TRPV5: variants seen among roughly 807,000 people sequenced by gnomAD.
TRPV5 encodes transient receptor potential cation channel subfamily V member 5, also known as calcium transport protein 2.
A neutral mutation model predicts 74.1 loss-of-function variants in TRPV5; 66 were observed. The observed-to-expected ratio is 0.89, with a 90% CI of 0.73 to 1.09. The LOEUF is 1.09. Among genes scored for constraint, TRPV5 ranks in the 50% least tolerant of loss-of-function variants. TRPV5 has a pLI of 0.00. For missense variants in TRPV5, 936 were observed against 930.4 expected, an observed-to-expected ratio of 1.01 and a Z score of -0.08; for synonymous variants, 399 against 360.7, an observed-to-expected ratio of 1.11 and a Z score of -1.20.
chr7:142,915,191 T>C, intron 10 of TRPV5, 116 bp downstream of exon 10: 2 of 1,516,044 alleles, frequency 1.3e-6, no homozygotes, highest in Non-Finnish European at 1.8e-6. Context: ...ACAAGTCCAC[T>C]GGAGAGAAGT....
chr7:142,929,951 C>T (rs1169706309), intron 3 of TRPV5, 107 bp downstream of exon 3: 2 of 1,550,722 alleles, frequency 1.3e-6, no homozygotes, highest in Non-Finnish European at 1.8e-6. Context: ...TCCTCCTGAC[C>T]CTCCATCACC....
intron 2 of TRPV5, 22 bp from the exon 3 acceptor site, chr7:142,930,202 A>T: frequency 6.2e-7 from 1 of 1,610,120 alleles, no homozygotes; most frequent in Non-Finnish European, 8.5e-7. Context: ...TAAGACAGAG[A>T]TGTTAGACAC....
intron 4 of TRPV5, 147 bp from the exon 5 acceptor site, chr7:142,929,267 C>T: frequency 6.1e-6 from 9 of 1,471,272 alleles, no homozygotes; most frequent in Non-Finnish European, 8.2e-6. Flanking sequence ...GAGGAAGGAA[C>T]CATCAGGGGA....
chr7:142,933,523 C>T lies in TRPV5; in HGVS notation c.-64G>A. ...GGCGAAAGAAACAGGTCTAGGATGA[C>T]AGCAACTGAGCAAGAGATGGGGTCT... On this transcript the variant is annotated 5_prime_UTR_variant, in exon 1 of 15. Coordinates refer to ENST00000265310, the MANE Select transcript of TRPV5 (RefSeq NM_019841.7). 2.5e-6 allele frequency: 4 copies of T among 1,569,604 alleles called. No individual in the cohort carries two copies. Among genetic ancestry groups the T allele is most frequent in the Non-Finnish European group, 2.6e-6 (3 of 1,159,594 alleles).
intron 8 of TRPV5, among the ~76,000 whole-genome samples, chr7:142,921,675 C>A (rs1345234000): frequency 3.9e-5 from 6 of 152,110 alleles, no homozygotes; most frequent in Non-Finnish European, 8.8e-5. Context: ...ACCATGCAAG[C>A]AGAGTAATTT....
chr7:142,919,368 A>C (rs1795847306), intron 8 of TRPV5, among the ~76,000 whole-genome samples: 2 of 152,212 alleles, frequency 1.3e-5, no homozygotes, highest in African/African-American at 4.8e-5. Context: ...AGGAGAGAGG[A>C]GACAGCAGGT....
At position 142,908,242 on chromosome 7, in the gene TRPV5, T is replaced by A. The variant is rs1795640000; in HGVS notation, c.*272A>T. ...AAATGGTCCTGACATTAATCTAGCA[T>A]CCCTGCCTCATGTCTTTAGTTGCCA... On this transcript the variant is annotated 3_prime_UTR_variant, in exon 15 of 15. Transcript: ENST00000265310. 3.6e-6 allele frequency: 2 copies of A among 547,958 alleles called. No individual in the cohort carries two copies. Among genetic ancestry groups the A allele is most frequent in the Non-Finnish European group, 6.5e-6 (2 of 307,646 alleles). 33.9% of individuals were successfully genotyped at this position (547,958 alleles called of 1,614,324 possible).
At position 142,933,358 on chromosome 7, in the gene TRPV5, G is replaced by A. The variant is rs749875130; in HGVS notation, c.102C>T (p.Asp34=). The change falls in exon 1 of 15, where the codon GAC becomes GAT. Residue 34 remains aspartate (D), a synonymous_variant. Transcript: ENST00000265310. The part of the protein sequence containing the change: ...VREQDWDQHL[D]KLHMLQQKRI... ...TCTTCTGCTGCAGCATATGAAGCTT[G>A]TCCAGGTGCTGGTCCCAGTCTTGTT... 1 of 1,614,070 alleles carries A rather than the reference G, an allele frequency of 6.2e-7. No individual in the cohort carries two copies. The highest frequency in any genetic ancestry group is 8.5e-7 in the Non-Finnish European group (1 of 1,180,038).
intron 1 of TRPV5, among the ~76,000 whole-genome samples, chr7:142,931,185 G>A (rs1796089454): frequency 1.3e-5 from 2 of 151,946 alleles, no homozygotes; most frequent in South Asian, 2.1e-4. Flanking sequence ...ACCACGCCCA[G>A]CTAATTTTTT....
Position 142,908,451 on chromosome 7 carries a change from C to T in TRPV5, c.*63G>A. The T allele has an allele frequency of 6.4e-7, 1 of 1,570,854 alleles. No individual in the cohort carries two copies. Among genetic ancestry groups the T allele is most frequent in the Non-Finnish European group, 8.7e-7 (1 of 1,148,692 alleles). On this transcript the variant is annotated 3_prime_UTR_variant, in exon 15 of 15. Coordinates refer to ENST00000265310, the MANE Select transcript of TRPV5 (RefSeq NM_019841.7). ...GTTAGACACTTGCATAGGCAGAGGT[C>T]TCCGTCTCTGTCCCCGCCCCCAGGC...
chr7:142,913,317 G>T (rs4252497), intron 12 of TRPV5, among the ~76,000 whole-genome samples: 24 of 152,188 alleles, frequency 1.6e-4, no homozygotes, highest in African/African-American at 5.8e-4. Flanking sequence ...GTGAGCGTAA[G>T]GGAACTTCAG....
At chr7:142,932,255 C>G (rs570778047) in intron 1 of TRPV5, among the ~76,000 whole-genome samples, 1 of 152,148 alleles carries the variant, frequency 6.6e-6, no homozygotes, top group African/African-American at 2.4e-5. Flanking sequence ...ATCCCCACTG[C>G]CCCTCTGCAG....
In TRPV5 at chr7:142,933,623, GTGCA is replaced by G; in HGVS notation, c.-168_-165del. ...GCATGCAGCTTGTAGGTGTGTGTGT[GTGCA>G]TGCAGTATGTGGGTTGTGGGGTGTG... On this transcript the variant is annotated 5_prime_UTR_variant, in exon 1 of 15. The change abolishes an upstream ATG in the 5' untranslated region. Coordinates refer to ENST00000265310, the MANE Select transcript of TRPV5 (RefSeq NM_019841.7). The G allele has an allele frequency of 1.1e-6, 1 of 898,678 alleles. No individual in the cohort carries two copies. The highest frequency in any genetic ancestry group is 1.7e-5 in the South Asian group (1 of 59,868). The allele number at this position is 898,678 out of a possible 1,614,324, so 55.7% of individuals were successfully genotyped here.
chr7:142,910,985 C>T (rs766266931), intron 13 of TRPV5, among the ~76,000 whole-genome samples: 6 of 152,154 alleles, frequency 3.9e-5, no homozygotes, highest in Non-Finnish European at 8.8e-5. Context: ...CAACGATGTG[C>T]CTATGACCCG....
At chr7:142,932,864 C>T (rs1796118676) in intron 1 of TRPV5, among the ~76,000 whole-genome samples, 2 of 152,208 alleles carry the variant, frequency 1.3e-5, no homozygotes, top group Admixed American at 1.3e-4. Flanking sequence ...AGCTGCCCTC[C>T]TCCACTGGTC....
chr7:142,913,585 A>G (rs919439252), intron 12 of TRPV5, among the ~76,000 whole-genome samples: 2 of 152,218 alleles, frequency 1.3e-5, no homozygotes, highest in Non-Finnish European at 2.9e-5. Flanking sequence ...GAAAGGGTAC[A>G]TAAGGGCTTG....
intron 8 of TRPV5, among the ~76,000 whole-genome samples, chr7:142,922,962 G>C (rs1795909796): frequency 6.6e-6 from 1 of 152,142 alleles, no homozygotes; most frequent in African/African-American, 2.4e-5. Flanking sequence ...ATCAGCTTTT[G>C]TGTAGTTTTT....
chr7:142,928,547 G>T, intron 6 of TRPV5, 144 bp downstream of exon 6: 2 of 1,216,182 alleles, frequency 1.6e-6, no homozygotes, highest in Non-Finnish European at 2.3e-6. Context: ...GGAATAGGAA[G>T]CAAGGGACCA....
Position 142,915,316 on chromosome 7 carries a change from T to C in TRPV5, c.1277A>G (p.His426Arg). The C allele has an allele frequency of 6.2e-7, 1 of 1,609,392 alleles. No individual in the cohort carries two copies. The highest frequency in any genetic ancestry group is 8.5e-7 in the Non-Finnish European group (1 of 1,178,846). The part of the protein sequence containing the change: ...FGKTILGGPF[H>R]VIIITYASLV... ...ATGAGGGGATACTCACATGATGACA[T>C]GGAATGGCCCCCCAAGAATCGTCTT... Residue 426 changes from histidine (H) to arginine (R), a missense_variant, in exon 10 of 15, where the codon CAT becomes CGT. By Grantham distance (29) the His-to-Arg change is conservative (BLOSUM62 0). Transcript: ENST00000265310.
Sources: gnomAD v4.1 joint callset for allele counts (sites outside exome capture counted in the v4.1 genomes callset) on GRCh38, gnomAD v4.1.1 for gene constraint, MANE v1.5 for transcripts, NCBI Gene and HGNC (gene_info 2026-07-23, HGNC 2026-07-21) for gene names.